CLSTN2: variants seen among roughly 807,000 people sequenced by gnomAD.
CLSTN2 encodes the protein calsyntenin-2.
In CLSTN2, 48 loss-of-function variants were observed where a neutral mutation model predicts 101.2. The ratio of observed to expected loss-of-function variants is 0.47; its 90% CI spans 0.38 to 0.60. The LOEUF (loss-of-function observed/expected upper bound fraction) is 0.60. Ranked by LOEUF, CLSTN2 falls within the 20% of genes least tolerant of loss-of-function variation. The probability of loss-of-function intolerance (pLI) is 0.00; values close to 1 mark genes in which losing one functional copy is unlikely to be tolerated. For missense variants in CLSTN2, 1,160 were observed against 1,238.2 expected (o/e 0.94, Z 0.95); for synonymous variants, 481 against 463.6 (o/e 1.04, Z -0.48).
At chr3:140,484,690 T>A (rs982093217) in intron 8 of CLSTN2, among the ~76,000 whole-genome samples, 1 of 152,114 alleles carries the variant, frequency 6.6e-6, no homozygotes, top group African/African-American at 2.4e-5. Flanking sequence ...TCTAAAGTTC[T>A]CTTCTCCATT....
chr3:140,527,288 AAAG>A (rs1360102889), intron 8 of CLSTN2, among the ~76,000 whole-genome samples: 1 of 152,228 alleles, frequency 6.6e-6, no homozygotes, highest in Non-Finnish European at 1.5e-5. Context: ...ATTCTTCTCA[AAAG>A]AAGATGTAAA....
rs373925584 is a variant in CLSTN2 at position 140,098,040 on chromosome 3, G to A, written c.110-77911G>A. On this transcript the variant is annotated intron_variant, in intron 1 of 16. Coordinates refer to ENST00000458420, the MANE Select transcript of CLSTN2 (RefSeq NM_022131.3). ...AAACAGCATTGGGGAGATAATACAA[G>A]CTGAATAAATCTGTCTATTCAGCAT... Among the ~76,000 whole-genome samples the A allele has an allele frequency of 2.6e-5, 4 of 152,238 alleles. No homozygotes were observed. In the East Asian group the frequency reaches 7.7e-4, roughly 29 times the overall value.
chr3:140,237,077 G>T (rs1050296686), intron 2 of CLSTN2, among the ~76,000 whole-genome samples: 11 of 152,006 alleles, frequency 7.2e-5, no homozygotes, highest in African/African-American at 2.7e-4. Context: ...TTGGATTCTG[G>T]ACATAGTGAA....
At chr3:140,094,663 G>A (rs2008838130) in intron 1 of CLSTN2, among the ~76,000 whole-genome samples, 1 of 152,136 alleles carries the variant, frequency 6.6e-6, no homozygotes, top group Non-Finnish European at 1.5e-5. Flanking sequence ...AAACAGCTAG[G>A]GTGCTGTGCA....
intron 2 of CLSTN2, among the ~76,000 whole-genome samples, chr3:140,264,437 C>T (rs2086678953): frequency 9.1e-6 from 1 of 109,420 alleles, no homozygotes; most frequent in Admixed American, 1.1e-4. Context: ...TAAAATTAGG[C>T]ATCTTTAAAC....
At chr3:140,036,688 C>G (rs568144270) in intron 1 of CLSTN2, among the ~76,000 whole-genome samples, 1 of 151,778 alleles carries the variant, frequency 6.6e-6, no homozygotes, top group Non-Finnish European at 1.5e-5. Context: ...CCCACCCATC[C>G]CTGTTGTTCT....
chr3:140,555,756 C>T lies in CLSTN2; in HGVS notation c.1675-757C>T, dbSNP rs1935779341. Among the ~76,000 whole-genome samples the T allele has an allele frequency of 2.0e-5, 3 of 152,194 alleles. No homozygotes were observed. In the South Asian group the frequency reaches 6.2e-4, roughly 32 times the overall value. ...AGTACAAAGGCAGTTTTCCCTGCCT[C>T]ATTCCAAGAAGAGTAACTGCTGTGG... On this transcript the variant is annotated intron_variant, in intron 10 of 16. Transcript: ENST00000458420.
At chr3:140,421,746 T>C (rs1576558556) in intron 5 of CLSTN2, among the ~76,000 whole-genome samples, 2 of 152,136 alleles carry the variant, frequency 1.3e-5, no homozygotes, top group East Asian at 3.9e-4. Flanking sequence ...AGGGAATGTA[T>C]AAAATGTTGA....
chr3:140,465,873 T>C (rs1392459574), intron 7 of CLSTN2, among the ~76,000 whole-genome samples: 1 of 152,182 alleles, frequency 6.6e-6, no homozygotes, highest in East Asian at 1.9e-4. Context: ...GGTAGATGTC[T>C]GGTGTGTTCG....
chr3:140,155,641 A>G (rs2009941573), intron 1 of CLSTN2, among the ~76,000 whole-genome samples: 1 of 152,226 alleles, frequency 6.6e-6, no homozygotes, highest in Non-Finnish European at 1.5e-5. Context: ...TATTCTGAGT[A>G]TGCCCATGAT....
At chr3:139,966,300 A>G (rs921166238) in intron 1 of CLSTN2, among the ~76,000 whole-genome samples, 1 of 152,190 alleles carries the variant, frequency 6.6e-6, no homozygotes, top group African/African-American at 2.4e-5. Flanking sequence ...TCCTGTCAGT[A>G]ATTCCAGTCA....
rs141353964 is a variant in CLSTN2 at position 140,201,822 on chromosome 3, A to ATG, written c.232+25761_232+25762dup. ...CACACACATGTATATGTGTGTGTGT[A>ATG]TGTGTGTGTGTGTATATATAATGAT... On this transcript the variant is annotated intron_variant, in intron 2 of 16. Transcript: ENST00000458420. 8.0e-3 allele frequency among the ~76,000 whole-genome samples: 1,207 copies of ATG among 151,470 alleles called. 12 individuals carry two copies. The highest frequency in any genetic ancestry group is 0.027 in the African/African-American group (1,115 of 41,306).
At chr3:140,140,194 TACA>T (rs2009675948) in intron 1 of CLSTN2, among the ~76,000 whole-genome samples, 1 of 152,164 alleles carries the variant, frequency 6.6e-6, no homozygotes, top group Non-Finnish European at 1.5e-5. Context: ...CTAGGCAGCC[TACA>T]TCCTTTTATT....
chr3:139,977,992 A>T (rs1224085107), intron 1 of CLSTN2, among the ~76,000 whole-genome samples: 1 of 152,156 alleles, frequency 6.6e-6, no homozygotes, highest in Non-Finnish European at 1.5e-5. Context: ...CGACACTGGG[A>T]GGGGCTGGCT....
intron 1 of CLSTN2, among the ~76,000 whole-genome samples, chr3:140,173,939 C>A (rs2010282406): frequency 6.6e-6 from 1 of 152,198 alleles, no homozygotes; most frequent in Non-Finnish European, 1.5e-5. Context: ...TCTGAACATG[C>A]CCTGGAGACA....
intron 2 of CLSTN2, among the ~76,000 whole-genome samples, chr3:140,360,401 T>C (rs1273194138): frequency 6.6e-6 from 1 of 152,122 alleles, no homozygotes; most frequent in Admixed American, 6.5e-5. Flanking sequence ...TATACTAAAA[T>C]AAAACTGGCT....
At chr3:140,109,938 C>A (rs2009125314) in intron 1 of CLSTN2, among the ~76,000 whole-genome samples, 1 of 151,922 alleles carries the variant, frequency 6.6e-6, no homozygotes, top group Non-Finnish European at 1.5e-5. Flanking sequence ...TTAAAAGCAC[C>A]CCAGGTTTCC....
At position 139,935,616 on chromosome 3, in the gene CLSTN2, C is replaced by T. The variant is rs1320048449; in HGVS notation, c.109+133C>T. On this transcript the variant is annotated intron_variant, in intron 1 of 16. Coordinates refer to ENST00000458420, the MANE Select transcript of CLSTN2 (RefSeq NM_022131.3). This position sits in a 1 kb window ranked among gnomAD's most constrained non-coding sequence, Gnocchi z 5.5. ...CCGCAGCTTCTTTGGCCTCTGTGCG[C>T]CCTGGATTCCCGAAGTCAGTTCCCT... 2.3e-6 allele frequency: 1 copy of T among 430,080 alleles called. No homozygotes were observed. Among genetic ancestry groups the T allele is most frequent in the Non-Finnish European group, 3.9e-6 (1 of 257,622 alleles). 26.6% of individuals were successfully genotyped at this position (430,080 alleles called of 1,614,324 possible). A position where few individuals can be genotyped will look rare whatever the true frequency, so the allele number is the denominator to read the frequency against.
intron 1 of CLSTN2, among the ~76,000 whole-genome samples, chr3:140,040,650 T>G (rs1457578664): frequency 6.6e-6 from 1 of 152,038 alleles, no homozygotes; most frequent in Admixed American, 6.6e-5. Flanking sequence ...CTTTTCCCAT[T>G]GGTGAAAGGA....
Sources: gnomAD v4.1 joint callset for allele counts (sites outside exome capture counted in the v4.1 genomes callset) on GRCh38, gnomAD v4.1.1 for gene constraint, Gnocchi (gnomAD v3.1) non-coding constraint, MANE v1.5 for transcripts, NCBI Gene and HGNC (gene_info 2026-07-23, HGNC 2026-07-21) for gene names.